The following POLE variants were observed in gnomAD, a reference collection of about 807,000 sequenced individuals.
POLE encodes the protein DNA polymerase epsilon catalytic subunit A.
In POLE, 188 loss-of-function variants were observed where a neutral mutation model predicts 279.2. That is an observed-to-expected ratio of 0.67 (90% CI 0.60 to 0.76). POLE has a LOEUF of 0.76. POLE is among the 30% of genes least tolerant of loss of function. The pLI is 0.00. For synonymous variants in POLE, 1,214 were observed against 1,172.5 expected, an observed-to-expected ratio of 1.04 and a Z score of -0.72; for missense variants, 2,703 against 3,016.7, an observed-to-expected ratio of 0.90 and a Z score of 2.44.
Position 132,665,546 on chromosome 12 carries a change from A to C in POLE, c.2320-96T>G. Reference sequence around the variant, plus strand: ...GGTTTTTAGTATTTTGAAAATTTTCAAATCTATAGAAAACCTAAAAAACCA... The same window carrying C: ...GGTTTTTAGTATTTTGAAAATTTTCCAATCTATAGAAAACCTAAAAAACCA... On this transcript the variant is annotated intron_variant, in intron 20 of 48. Transcript: ENST00000320574. 3.6e-6 allele frequency: 5 copies of C among 1,376,304 alleles called. No homozygotes were observed. The South Asian group carries it at 7.3e-5, about 20-fold the overall frequency. 85.3% of individuals were successfully genotyped at this position (1,376,304 alleles called of 1,614,324 possible).
At chr12:132,630,021 C>T (rs1263483903) in intron 45 of POLE, among the ~76,000 whole-genome samples, 1 of 152,186 alleles carries the variant, frequency 6.6e-6, no homozygotes, top group African/African-American at 2.4e-5. Flanking sequence ...GGCGAGATGG[C>T]AGAATGGCCC....
rs929758720 is a variant in POLE, at chr12:132,644,104, C to T, written c.4150-127G>A. On this transcript the variant is annotated intron_variant, in intron 32 of 48. Coordinates refer to ENST00000320574, the MANE Select transcript of POLE (RefSeq NM_006231.4). Reference sequence around the variant, plus strand: ...CCCTAGCGACGGGGTACACCCACCACGCCACAGTCCACCTCTCTCAATGAT... The same window carrying T: ...CCCTAGCGACGGGGTACACCCACCATGCCACAGTCCACCTCTCTCAATGAT... 56 of 789,296 alleles carry T rather than the reference C, an allele frequency of 7.1e-5. No individual in the cohort carries two copies. In the African/African-American group the frequency reaches 8.1e-4, roughly 11 times the overall value. The allele number at this position is 789,296 out of a possible 1,614,324, so 48.9% of individuals were successfully genotyped here.
intron 16 of POLE, among the ~76,000 whole-genome samples, chr12:132,670,576 C>T (rs1282618084): frequency 6.6e-6 from 1 of 151,002 alleles, no homozygotes; most frequent in Admixed American, 6.6e-5. Context: ...CTGCAAGCTC[C>T]GCCTCCCGGG....
intron 32 of POLE, among the ~76,000 whole-genome samples, chr12:132,644,650 T>C (rs2042234033): frequency 6.6e-6 from 1 of 151,932 alleles, no homozygotes; most frequent in Non-Finnish European, 1.5e-5. Context: ...AGAGAGCCCC[T>C]GGGGGAGCCA....
At chr12:132,644,090 G>A in intron 32 of POLE, 113 bp from the exon 33 acceptor site, 2 of 1,054,754 alleles carry the variant, frequency 1.9e-6, no homozygotes, top group Non-Finnish European at 1.4e-6. Flanking sequence ...CCTAGCGACG[G>A]GGTACACCCA....
intron 20 of POLE, among the ~76,000 whole-genome samples, chr12:132,666,694 A>C (rs970740260): frequency 4.6e-5 from 5 of 108,930 alleles, no homozygotes; most frequent in Non-Finnish European, 9.1e-5. Context: ...AGAAAGTGGA[A>C]TGGGGTCACT....
Position 132,639,209 on chromosome 12 carries a change from C to T in POLE, c.5468G>A (p.Arg1823His), listed in dbSNP as rs767747669. The T allele has an allele frequency of 1.3e-5, 21 of 1,613,790 alleles. No homozygotes were observed. The highest frequency in any genetic ancestry group is 4.4e-5 in the South Asian group (4 of 91,076). ...CAGAGAGGATGGCGACCGAAGCCAG[C>T]GGTAGAAGTGCATCACCTGGTTGTC... ...YADNQVMHFY[R>H]WLRSPSSLLH... The change falls in exon 40 of 49, where the codon CGC becomes CAC. Residue 1823 changes from arginine to histidine, a missense_variant. Physicochemically the swap from Arg to His is conservative, Grantham distance 29. Around this residue, in one of 5 missense-constraint regions of POLE, gnomAD observed 1,551 missense variants for 1,686.1 expected, o/e 0.92. Transcript: ENST00000320574. This position sits in a 1 kb window ranked among gnomAD's most constrained non-coding sequence, Gnocchi z 4.7.
At chr12:132,672,036 C>A (rs1344936746) in intron 16 of POLE, among the ~76,000 whole-genome samples, 179 bp downstream of exon 16, 1 of 152,188 alleles carries the variant, frequency 6.6e-6, no homozygotes, top group African/African-American at 2.4e-5. Context: ...ATGAAGCCCT[C>A]CGACCTTGTG....
In POLE at chr12:132,643,551, G is replaced by A. The variant is rs2138553565; in HGVS notation, c.4300C>T (p.Leu1434=). ...EGVYETQVPL[L]FRALVHLGCV... ...CCCAGGTGCACCAGGGCCCGGAACA[G>A]TAACGGAACCTGGAAGAATCGGGCA... Residue 1434 remains leucine, a synonymous_variant, in exon 34 of 49, where the codon CTG becomes TTG. Transcript: ENST00000320574. 3.1e-6 allele frequency: 5 copies of A among 1,614,122 alleles called. No homozygotes were observed. Among genetic ancestry groups the A allele is most frequent in the Non-Finnish European group, 3.4e-6 (4 of 1,180,020 alleles).
intron 1 of POLE, 109 bp downstream of exon 1, chr12:132,687,145 G>A: frequency 3.3e-6 from 2 of 599,070 alleles, no homozygotes; most frequent in African/African-American, 1.9e-5. Context: ...GCGAGTGCGG[G>A]CGGCTGCGGG....
At chr12:132,653,546 AT>A (rs1356993236) in intron 29 of POLE, among the ~76,000 whole-genome samples, 1 of 152,200 alleles carries the variant, frequency 6.6e-6, no homozygotes, top group Non-Finnish European at 1.5e-5. Context: ...TTGGTATCTA[AT>A]TGTTGCTGAA....
rs372122993 is a variant in POLE at position 132,639,316 on chromosome 12, C to T, written c.5379-18G>A. ...TCAGGATCCTGAAAGAGAAGGTGCA[C>T]GACACCCTCGTACCCTCAGCCTCCC... On this transcript the variant is annotated intron_variant, in intron 39 of 48. Transcript: ENST00000320574. The surrounding 1 kb of genome is among the most constrained non-coding windows in gnomAD (Gnocchi z 4.7). 22 of 1,612,452 alleles carry T rather than the reference C, an allele frequency of 1.4e-5. No individual in the cohort carries two copies. Among genetic ancestry groups the T allele is most frequent in the African/African-American group, 6.7e-5 (5 of 74,868 alleles).
At chr12:132,654,154 T>G (rs1384451010) in intron 29 of POLE, among the ~76,000 whole-genome samples, 1 of 151,838 alleles carries the variant, frequency 6.6e-6, no homozygotes. Context: ...GGTTACCAAA[T>G]GAGCTAAGGG....
rs752303205 is a variant in POLE at position 132,626,263 on chromosome 12, G to A, written c.6385C>T (p.Leu2129=). 1.2e-6 allele frequency: 2 copies of A among 1,613,946 alleles called. No individual in the cohort carries two copies. The highest frequency in any genetic ancestry group is 4.5e-5 in the East Asian group (2 of 44,888). Residue 2129 remains leucine (L), a synonymous_variant, in exon 46 of 49, where the codon CTG becomes TTG. Coordinates refer to ENST00000320574, the MANE Select transcript of POLE (RefSeq NM_006231.4). ...TNQVNKLNRD[L]LRLVDVGEFS... ...TCGCCGACATCCACCAGGCGAAGCAGGTCTCGGTTCAGCTTATTCACCTGG... is the reference window on the plus strand; with the variant it reads ...TCGCCGACATCCACCAGGCGAAGCAAGTCTCGGTTCAGCTTATTCACCTGG...
In POLE at chr12:132,634,267, A is replaced by T; in HGVS notation, c.5923T>A (p.Leu1975Ile). The change falls in exon 43 of 49, where the codon TTA becomes ATA. Residue 1975 changes from leucine (L) to isoleucine (I), a missense_variant. By Grantham distance (5) the Leu-to-Ile change is conservative (BLOSUM62 2). Around this residue, in one of 5 missense-constraint regions of POLE, gnomAD observed 1,551 missense variants for 1,686.1 expected, o/e 0.92. Transcript: ENST00000320574. The surrounding 1 kb of genome is among the most constrained non-coding windows in gnomAD (Gnocchi z 4.0). Reference sequence around the variant, plus strand: ...AAAATGTTCCAGTTGTTTTCCAGTAAATCCTCCACGTTGGATTCCTCCGCC... The same window carrying T: ...AAAATGTTCCAGTTGTTTTCCAGTATATCCTCCACGTTGGATTCCTCCGCC... ...EEAEESNVED[L>I]LENNWNILQF... 6.2e-7 allele frequency: 1 copy of T among 1,614,126 alleles called. No homozygotes were observed. The highest frequency in any genetic ancestry group is 8.5e-7 in the Non-Finnish European group (1 of 1,179,984).
intron 34 of POLE, 25 bp downstream of exon 34, chr12:132,643,382 G>C (rs2138548932): frequency 6.2e-7 from 1 of 1,614,228 alleles, no homozygotes; most frequent in South Asian, 1.1e-5. Flanking sequence ...GCAGGCACAT[G>C]ATGGGCGGCT....
chr12:132,673,767 G>C (rs2136001622), intron 12 of POLE, 60 bp from the exon 13 acceptor site: 1 of 1,598,820 alleles, frequency 6.3e-7, no homozygotes, highest in East Asian at 2.2e-5. Flanking sequence ...GGGAACCCCT[G>C]AGAACTGGCA....
chr12:132,679,396 A>C, intron 6 of POLE, 101 bp downstream of exon 6: 1 of 1,192,186 alleles, frequency 8.4e-7, no homozygotes, highest in Non-Finnish European at 1.2e-6. Flanking sequence ...CGTATCAAAC[A>C]GAGCCAGCCA....
intron 32 of POLE, among the ~76,000 whole-genome samples, chr12:132,647,015 A>G (rs1260632152): frequency 6.6e-6 from 1 of 152,088 alleles, no homozygotes. Context: ...GTTTCATTAT[A>G]GTTTCTGAGA....
Sources: allele counts gnomAD v4.1 joint callset (sites outside exome capture counted in the v4.1 genomes callset), GRCh38; gene constraint gnomAD v4.1.1; regional missense constraint gnomAD v4.1.1; non-coding constraint Gnocchi (gnomAD v3.1); transcripts MANE v1.5; gene names NCBI Gene and HGNC (gene_info 2026-07-23, HGNC 2026-07-21).